The following PLEKHH2 variants were observed in gnomAD, a reference collection of about 807,000 sequenced individuals.
The protein encoded by PLEKHH2 is pleckstrin homology domain-containing family H member 2.
PLEKHH2 carries 129 observed loss-of-function variants against 187.9 expected under a neutral mutation model. That is an observed-to-expected ratio of 0.69 (90% CI 0.59 to 0.79). PLEKHH2 has a LOEUF of 0.79. Among genes scored for constraint, PLEKHH2 ranks in the 30% least tolerant of loss-of-function variants. The probability of loss-of-function intolerance (pLI) is 0.00; values close to 1 mark genes in which losing one functional copy is unlikely to be tolerated. For missense variants in PLEKHH2, 2,076 were observed against 1,751.2 expected (o/e 1.19, Z -3.31); for synonymous variants, 686 against 605.6 (o/e 1.13, Z -1.95).
In PLEKHH2 at chr2:43,712,294, G is replaced by T. The variant is rs758868143; in HGVS notation, c.2371G>T (p.Val791Leu). Residue 791 changes from valine to leucine, a missense_variant, in exon 15 of 30, where the codon GTG becomes TTG. Physicochemically the swap from Val to Leu is conservative, Grantham distance 32. Transcript: ENST00000282406. ...CAATATATTGGAAGAGTGGATTAAA[G>T]TGTTACAGAATGTTCTTCGAGTACA... The part of the protein sequence containing the change: ...SPNILEEWIK[V>L]LQNVLRVQAA... 5.6e-6 allele frequency: 9 copies of T among 1,613,732 alleles called. No homozygotes were observed. The South Asian group carries it at 9.9e-5, about 18-fold the overall frequency.
chr2:43,681,594 C>T, intron 3 of PLEKHH2: 2 of 793,432 alleles, frequency 2.5e-6, no homozygotes, highest in Non-Finnish European at 4.3e-6. Flanking sequence ...ACTAGTGCCT[C>T]TTTTTGGAGC....
chr2:43,718,643 C>T (rs552998110), intron 15 of PLEKHH2, among the ~76,000 whole-genome samples: 5 of 152,150 alleles, frequency 3.3e-5, no homozygotes, highest in East Asian at 1.9e-4. Flanking sequence ...TGCATTTCTT[C>T]GAAGGCATAC....
chr2:43,756,249 T>G (rs1265876075), intron 25 of PLEKHH2, among the ~76,000 whole-genome samples: 1 of 152,132 alleles, frequency 6.6e-6, no homozygotes, highest in Non-Finnish European at 1.5e-5. Flanking sequence ...TCCCATTACA[T>G]TCAGGAGAGA....
intron 15 of PLEKHH2, among the ~76,000 whole-genome samples, chr2:43,716,752 A>G (rs1670230762): frequency 1.3e-5 from 2 of 152,220 alleles, no homozygotes; most frequent in African/African-American, 4.8e-5. Flanking sequence ...ATCTTTCAAG[A>G]TGATATTTGA....
chr2:43,741,588 T>G (rs757554929), intron 21 of PLEKHH2, among the ~76,000 whole-genome samples: 8 of 152,198 alleles, frequency 5.3e-5, no homozygotes, highest in Non-Finnish European at 1.0e-4. Context: ...CCAAGAGGTT[T>G]GTGTCAGGTT....
intron 3 of PLEKHH2, among the ~76,000 whole-genome samples, chr2:43,688,434 T>G (rs1407798937): frequency 6.6e-6 from 1 of 152,202 alleles, no homozygotes; most frequent in Non-Finnish European, 1.5e-5. Flanking sequence ...TATATAGAAA[T>G]AGAAACTTGC....
At chr2:43,726,235 A>C in intron 16 of PLEKHH2, 37 bp from the exon 17 acceptor site, 1 of 1,436,514 alleles carries the variant, frequency 7.0e-7, no homozygotes, top group Non-Finnish European at 9.6e-7. Flanking sequence ...AAAGATTTAG[A>C]AAATGCCTTC....
At chr2:43,736,132 G>GATGGT (rs1417656856) in intron 19 of PLEKHH2, among the ~76,000 whole-genome samples, 1 of 152,090 alleles carries the variant, frequency 6.6e-6, no homozygotes, top group Non-Finnish European at 1.5e-5. Context: ...AATATTTACA[G>GATGGT]ATGGTATATT....
intron 2 of PLEKHH2, among the ~76,000 whole-genome samples, chr2:43,647,523 A>G (rs1043326617): frequency 2.6e-5 from 4 of 152,140 alleles, no homozygotes; most frequent in Admixed American, 6.5e-5. Flanking sequence ...CATGCAACAT[A>G]AAAATCCACT....
At chr2:43,654,329 G>C (rs1666634236) in intron 2 of PLEKHH2, among the ~76,000 whole-genome samples, 1 of 151,874 alleles carries the variant, frequency 6.6e-6, no homozygotes. Context: ...TGAGTAGCTG[G>C]GACTACAGGT....
chr2:43,738,953 A>T (rs1671430285), intron 20 of PLEKHH2, among the ~76,000 whole-genome samples: 1 of 152,260 alleles, frequency 6.6e-6, no homozygotes, highest in Admixed American at 6.5e-5. Context: ...GTGCAATGGC[A>T]CAATGTCGGC....
intron 15 of PLEKHH2, among the ~76,000 whole-genome samples, chr2:43,714,953 G>A (rs1046894890): frequency 9.2e-5 from 14 of 152,140 alleles, no homozygotes; most frequent in African/African-American, 3.4e-4. Flanking sequence ...TGGGTGGAGG[G>A]GTGGTACTCT....
chr2:43,671,387 G>T (rs1667491958), intron 2 of PLEKHH2, among the ~76,000 whole-genome samples: 1 of 152,038 alleles, frequency 6.6e-6, no homozygotes, highest in Admixed American at 6.6e-5. Context: ...TAGATTATTT[G>T]GGACTTTATG....
intron 11 of PLEKHH2, 82 bp downstream of exon 11, chr2:43,707,627 A>AT: frequency 1.3e-6 from 2 of 1,509,298 alleles, no homozygotes; most frequent in Non-Finnish European, 9.0e-7. Context: ...TTACAGGATT[A>AT]TTTTTTAAAT....
chr2:43,653,688 G>C (rs1666599634), intron 2 of PLEKHH2, among the ~76,000 whole-genome samples: 2 of 152,186 alleles, frequency 1.3e-5, no homozygotes. Context: ...GTCAGTTCTG[G>C]GAGTGGCTTA....
At chr2:43,655,478 C>A (rs1224417911) in intron 2 of PLEKHH2, among the ~76,000 whole-genome samples, 1 of 152,014 alleles carries the variant, frequency 6.6e-6, no homozygotes, top group Non-Finnish European at 1.5e-5. Flanking sequence ...GAAACCAGCA[C>A]CTTCAATTTG....
chr2:43,710,585 T>C lies in PLEKHH2; in HGVS notation c.2301+10T>C, dbSNP rs985501934. The stretch of plus-strand genomic sequence containing the variant: ...CAAACAAACAGTTCAGGTACTTAAC[T>C]TTTTTTTTTTTTTTTTTTTTTTTGT... On this transcript the variant is annotated intron_variant, in intron 14 of 29. Coordinates refer to ENST00000282406, the MANE Select transcript of PLEKHH2 (RefSeq NM_172069.4). The C allele has an allele frequency of 6.7e-6, 2 of 298,436 alleles. No homozygotes were observed. The highest frequency in any genetic ancestry group is 6.7e-5 in the African/African-American group (1 of 14,946). The allele number at this position is 298,436 out of a possible 1,614,324, so 18.5% of individuals were successfully genotyped here. A position where few individuals can be genotyped will look rare whatever the true frequency, so the allele number is the denominator to read the frequency against.
At chr2:43,645,218 G>C (rs1297873244) in intron 2 of PLEKHH2, among the ~76,000 whole-genome samples, 1 of 152,096 alleles carries the variant, frequency 6.6e-6, no homozygotes, top group Non-Finnish European at 1.5e-5. Context: ...TGTTGACTAA[G>C]TATATATTGC....
chr2:43,639,454 A>G (rs1703266654), intron 1 of PLEKHH2, among the ~76,000 whole-genome samples: 2 of 151,988 alleles, frequency 1.3e-5, no homozygotes, highest in Non-Finnish European at 1.5e-5. Flanking sequence ...CTTGGCAACC[A>G]CTAACCTACT....
Sources: gnomAD v4.1 joint callset for allele counts (sites outside exome capture counted in the v4.1 genomes callset) on GRCh38, gnomAD v4.1.1 for gene constraint, MANE v1.5 for transcripts, NCBI Gene and HGNC (gene_info 2026-07-23, HGNC 2026-07-21) for gene names.